Variants in NCOR2 observed in about 807,000 individuals in gnomAD.
NCOR2 encodes the protein CTG repeat protein 26.
Under a neutral mutation model 262.9 loss-of-function variants are expected in NCOR2, and 81 were observed. That is an observed-to-expected ratio of 0.31 (90% CI 0.26 to 0.37). The LOEUF (loss-of-function observed/expected upper bound fraction) is 0.37. NCOR2 is among the 10% of genes least tolerant of loss of function. The pLI, the probability that NCOR2 is intolerant of heterozygous loss-of-function variation, is 1.00. For missense variants in NCOR2, 3,385 were observed against 3,621.4 expected (o/e 0.93, Z 1.68); for synonymous variants, 1,659 against 1,559.3 (o/e 1.06, Z -1.51).
intron 1 of NCOR2, among the ~76,000 whole-genome samples, chr12:124,487,997 G>T (rs377737394): frequency 2.4e-4 from 37 of 152,128 alleles, no homozygotes; most frequent in African/African-American, 7.0e-4. Context: ...GGCTGTTTGC[G>T]GCAATCAGTT....
chr12:124,498,676 C>G (rs369567286), upstream of NCOR2, among the ~76,000 whole-genome samples: 61 of 152,170 alleles, frequency 4.0e-4, no homozygotes, highest in African/African-American at 1.3e-3. Context: ...GGCATCCACC[C>G]AAAAGAACTG....
intron 1 of NCOR2, among the ~76,000 whole-genome samples, chr12:124,557,155 C>G (rs897237869): frequency 8.5e-5 from 13 of 152,230 alleles, no homozygotes; most frequent in Admixed American, 7.2e-4. Context: ...CAGGCCTCCC[C>G]CTGGCTGCCA....
chr12:124,348,497 A>G (rs2037134775), intron 28 of NCOR2, 183 bp from the exon 31 acceptor site: 8 of 743,172 alleles, frequency 1.1e-5, no homozygotes, highest in Non-Finnish European at 1.7e-5. Context: ...GGGGCCTGCC[A>G]GCAGGACCCA....
At chr12:124,554,842 A>C (rs1451081220) in intron 1 of NCOR2, among the ~76,000 whole-genome samples, 1 of 152,242 alleles carries the variant, frequency 6.6e-6, no homozygotes, top group Non-Finnish European at 1.5e-5. Context: ...GCCAAGACAG[A>C]CAGGGTCAGC....
chr12:124,344,790 G>T (rs749968799), exon 32 of NCOR2: 18 of 1,551,808 alleles, frequency 1.2e-5, no homozygotes, highest in South Asian at 2.4e-5. Flanking sequence ...GGCTCTTCAG[G>T]CTCTCCTCGT....
intron 6 of NCOR2, among the ~76,000 whole-genome samples, chr12:124,455,432 T>C (rs12425127): frequency 0.024 from 3,717 of 152,074 alleles, 72 homozygotes; most frequent in Middle Eastern, 0.051. Flanking sequence ...CCCAGCGAGG[T>C]TCCTGAGTCC....
chr12:124,336,453 C>T, intron 38 of NCOR2: 1 of 404,718 alleles, frequency 2.5e-6, no homozygotes, highest in Non-Finnish European at 3.9e-6. Flanking sequence ...ATGATGAGCG[C>T]CCCCAAACCA....
chr12:124,420,529 C>T (rs748250585), intron 12 of NCOR2, among the ~76,000 whole-genome samples: 1 of 152,192 alleles, frequency 6.6e-6, no homozygotes, highest in Non-Finnish European at 1.5e-5. Flanking sequence ...TCCTGAATAG[C>T]CTCTTCCAAG....
chr12:124,340,590 C>A lies in NCOR2; in HGVS notation c.5338+12G>T, dbSNP rs1297049792. 8.6e-6 allele frequency: 13 copies of A among 1,504,730 alleles called. No homozygotes were observed. The highest frequency in any genetic ancestry group is 1.4e-5 in the African/African-American group (1 of 71,840). 93.2% of individuals were successfully genotyped at this position (1,504,730 alleles called of 1,614,324 possible). ...GCCGGGGTCCCCACCCCAGACTGGGCAGTGGCGCTACCTGGGGAGAGTGGG... is the reference window on the plus strand; with the variant it reads ...GCCGGGGTCCCCACCCCAGACTGGGAAGTGGCGCTACCTGGGGAGAGTGGG... On this transcript the variant is annotated intron_variant, in intron 35 of 46. Transcript: ENST00000405201.
chr12:124,474,345 T>C (rs546425145), intron 3 of NCOR2, among the ~76,000 whole-genome samples: 83 of 152,362 alleles, frequency 5.4e-4, no homozygotes, highest in Non-Finnish European at 8.5e-4. Flanking sequence ...GTATTTTTAC[T>C]TTCTTCTTTT....
chr12:124,475,184 C>T (rs76358183), intron 3 of NCOR2, among the ~76,000 whole-genome samples: 558 of 152,258 alleles, frequency 3.7e-3, no homozygotes, highest in Middle Eastern at 0.017. Context: ...TCCACACACA[C>T]GGACTCCTCG....
rs1593820095 is a variant in NCOR2 at position 124,495,089 on chromosome 12, T to C, written c.105+58A>G. 1.3e-6 allele frequency: 2 copies of C among 1,585,952 alleles called. No homozygotes were observed. The highest frequency in any genetic ancestry group is 2.3e-5 in the East Asian group (1 of 43,898). ...GAGAAAGGAAGGGGTGAAGACTCAG[T>C]GGAATGGAAGAAGGGTCTCAAAGGT... On this transcript the variant is annotated intron_variant, in intron 1 of 46. Coordinates refer to ENST00000405201, the Ensembl canonical transcript of NCOR2. This position sits in a 1 kb window ranked among gnomAD's most constrained non-coding sequence, Gnocchi z 4.4.
intron 4 of NCOR2, among the ~76,000 whole-genome samples, chr12:124,470,515 A>AG (rs2046780394): frequency 6.6e-6 from 1 of 152,270 alleles, no homozygotes; most frequent in Non-Finnish European, 1.5e-5. Context: ...AGCCATAAAA[A>AG]GGAATGAAGG....
chr12:124,438,778 CAGAGAGAGAGAGAGAGAGAGAGAGAG>C (rs56072801), intron 7 of NCOR2, among the ~76,000 whole-genome samples: 1 of 60,004 alleles, frequency 1.7e-5, no homozygotes, highest in Non-Finnish European at 3.3e-5. Context: ...CCCAGAGAGA[CAGAGAGAGAGAGAGAGAGAGAGAGAG>C]AGAGACGGAG....
chr12:124,470,959 G>T (rs1402120665), intron 4 of NCOR2, among the ~76,000 whole-genome samples: 2 of 152,194 alleles, frequency 1.3e-5, no homozygotes, highest in African/African-American at 4.8e-5. Flanking sequence ...CCACCCCAAG[G>T]CCAGGCCTGG....
intron 27 of NCOR2, among the ~76,000 whole-genome samples, 161 bp from the exon 30 acceptor site, chr12:124,350,898 AC>A (rs2037395201): frequency 1.3e-5 from 2 of 152,270 alleles, no homozygotes; most frequent in South Asian, 4.1e-4. Flanking sequence ...ATGGAACAAA[AC>A]CCTATGAGGA....
chr12:124,332,876 G>A (rs537490753), intron 42 of NCOR2, among the ~76,000 whole-genome samples: 2 of 152,294 alleles, frequency 1.3e-5, no homozygotes, highest in African/African-American at 4.8e-5. Context: ...AGGTTCAACA[G>A]GGGCTGTCAA....
chr12:124,334,530 T>A (rs1210107020), exon 41 of NCOR2: 1 of 1,423,594 alleles, frequency 7.0e-7, no homozygotes, highest in East Asian at 2.7e-5. Flanking sequence ...ACGGGGCAGC[T>A]GGCCCCAGGG....
Position 124,327,804 on chromosome 12 carries a change from T to A in NCOR2, c.6959-171A>T, listed in dbSNP as rs191728207. 9 of 607,260 alleles carry A rather than the reference T, an allele frequency of 1.5e-5. 1 individual carries two copies. In the African/African-American group the frequency reaches 1.5e-4, roughly 10 times the overall value. 37.6% of individuals were successfully genotyped at this position (607,260 alleles called of 1,614,324 possible). A position where few individuals can be genotyped will look rare whatever the true frequency, so the allele number is the denominator to read the frequency against. On this transcript the variant is annotated intron_variant, in intron 44 of 46. Coordinates refer to ENST00000405201, the Ensembl canonical transcript of NCOR2. The stretch of plus-strand genomic sequence containing the variant: ...GCAAAGCAACATATTTATTTCCCTA[T>A]CCCTCCCCACCCTTTTTTTCCTGCT...
Sources: allele counts gnomAD v4.1 joint callset (sites outside exome capture counted in the v4.1 genomes callset), GRCh38; gene constraint gnomAD v4.1.1; non-coding constraint Gnocchi (gnomAD v3.1); transcripts MANE v1.5; gene names NCBI Gene and HGNC (gene_info 2026-07-23, HGNC 2026-07-21).